ROBO2: variants seen among roughly 807,000 people sequenced by gnomAD.
ROBO2 encodes the protein roundabout guidance receptor 2, also known as roundabout homolog 2.
ROBO2 carries 53 observed loss-of-function variants against 160.8 expected under a neutral mutation model. That is an observed-to-expected ratio of 0.33 (90% CI 0.26 to 0.41). The LOEUF (loss-of-function observed/expected upper bound fraction) is 0.41, where lower values mean the gene tolerates loss of function less well. Among genes scored for constraint, ROBO2 ranks in the 10% least tolerant of loss-of-function variants. The probability of loss-of-function intolerance (pLI) is 1.00; values close to 1 mark genes in which losing one functional copy is unlikely to be tolerated. For synonymous variants in ROBO2, 664 were observed against 611.7 expected (o/e 1.09, Z -1.26); for missense variants, 1,577 against 1,722.4 (o/e 0.92, Z 1.49).
At chr3:75,957,250 C>CACACACGCACACACACACAAA (rs1948754107) in intron 2 of ROBO2, among the ~76,000 whole-genome samples, 1 of 50,030 alleles carries the variant, frequency 2.0e-5, no homozygotes, top group Non-Finnish European at 6.2e-5. Context: ...ACACACAAAA[C>CACACACGCACACACACACAAA]ACACACACAC....
At chr3:75,924,814 G>A (rs1448075460) in intron 1 of ROBO2, among the ~76,000 whole-genome samples, 4 of 138,138 alleles carry the variant, frequency 2.9e-5, no homozygotes, top group African/African-American at 8.1e-5. Context: ...TCAGCCTCCC[G>A]AGTAGCTGGG....
At chr3:77,126,020 C>T (rs191922390) in intron 2 of ROBO2, among the ~76,000 whole-genome samples, 1 of 152,206 alleles carries the variant, frequency 6.6e-6, no homozygotes, top group East Asian at 1.9e-4. Flanking sequence ...ACACATTTGA[C>T]CCTAAATGAC....
At chr3:75,916,057 T>C (rs949589910) in intron 1 of ROBO2, among the ~76,000 whole-genome samples, 1 of 152,214 alleles carries the variant, frequency 6.6e-6, no homozygotes, top group African/African-American at 2.4e-5. Context: ...TCACTTGTAC[T>C]ACAAAGTCTC....
At chr3:76,669,734 C>A (rs184233660) in intron 2 of ROBO2, among the ~76,000 whole-genome samples, 393 of 152,294 alleles carry the variant, frequency 2.6e-3, no homozygotes, top group African/African-American at 9.1e-3. Context: ...CATGCTGTTA[C>A]ATCTTTAACT....
chr3:76,322,473 A>G (rs985086748), intron 2 of ROBO2, among the ~76,000 whole-genome samples: 13 of 151,808 alleles, frequency 8.6e-5, no homozygotes, highest in African/African-American at 3.1e-4. Flanking sequence ...TTATTGGATG[A>G]TCTTTAAGAT....
chr3:77,316,560 ATCTTT>A (rs2064015443), intron 2 of ROBO2, among the ~76,000 whole-genome samples: 1 of 152,128 alleles, frequency 6.6e-6, no homozygotes, highest in Non-Finnish European at 1.5e-5. Context: ...TACTGAAAGG[ATCTTT>A]TTTGGAAATG....
intron 21 of ROBO2, among the ~76,000 whole-genome samples, chr3:77,608,425 T>C (rs921784267): frequency 6.6e-6 from 1 of 152,206 alleles, no homozygotes; most frequent in South Asian, 2.1e-4. Flanking sequence ...GGTAGAACTT[T>C]AATCATCAGC....
chr3:77,254,635 G>A (rs949254614), intron 2 of ROBO2, among the ~76,000 whole-genome samples: 5 of 152,122 alleles, frequency 3.3e-5, no homozygotes, highest in African/African-American at 1.2e-4. Flanking sequence ...TTTATTATAA[G>A]TTGTGTTTAT....
At chr3:76,751,941 G>C (rs1359781781) in intron 2 of ROBO2, among the ~76,000 whole-genome samples, 2 of 151,944 alleles carry the variant, frequency 1.3e-5, no homozygotes, top group Non-Finnish European at 2.9e-5. Flanking sequence ...CCCATTACTG[G>C]GTATATACCC....
chr3:76,213,871 A>G (rs990674383), intron 2 of ROBO2, among the ~76,000 whole-genome samples: 2 of 151,934 alleles, frequency 1.3e-5, no homozygotes, highest in Non-Finnish European at 2.9e-5. Context: ...TGAATTTATC[A>G]AGGTGTTCTA....
chr3:77,380,156 G>A (rs2073250802), intron 2 of ROBO2, among the ~76,000 whole-genome samples: 1 of 152,222 alleles, frequency 6.6e-6, no homozygotes. Context: ...GCTGCCATCA[G>A]TGAGCCACCT....
rs4054072 is a variant in ROBO2, at chr3:75,913,336, A to T, written c.-14+6376A>T. On this transcript the variant is annotated intron_variant, in intron 1 of 26. Coordinates refer to the ROBO2 transcript ENST00000487694. ...ATCATATCTACAAGTCCCTTTGGCT[A>T]TGTAAGGCAGCACATTCCCAGGGCC... is the stretch of plus-strand genomic sequence containing the variant. Among the ~76,000 whole-genome samples the T allele has an allele frequency of 3.4e-4, 52 of 152,314 alleles. No homozygotes were observed. The East Asian group carries it at 9.8e-3, about 29-fold the overall frequency.
chr3:76,440,235 T>C (rs2109106414), intron 2 of ROBO2, among the ~76,000 whole-genome samples: 1 of 152,200 alleles, frequency 6.6e-6, no homozygotes, highest in African/African-American at 2.4e-5. Context: ...TTAGTAAAAG[T>C]ACTTTTTTTA....
rs573077101 is a variant in ROBO2, at chr3:75,970,589, TTAAA to T, written c.109+32988_109+32991del. ...AAGGACATTCCTCCTAAATTCTGTC[TTAAA>T]GTTGTTTGTAAGTAGAAGATTGAGT... On this transcript the variant is annotated intron_variant, in intron 2 of 26. Transcript: ENST00000487694. Among the ~76,000 whole-genome samples the T allele has an allele frequency of 4.0e-5, 6 of 151,734 alleles. No homozygotes were observed. The South Asian group carries it at 1.2e-3, about 31-fold the overall frequency.
intron 2 of ROBO2, among the ~76,000 whole-genome samples, chr3:76,085,980 A>G (rs2068999048): frequency 6.6e-6 from 1 of 152,188 alleles, no homozygotes; most frequent in Admixed American, 6.5e-5. Flanking sequence ...AAAGACTTGT[A>G]CAGAGAAACT....
At chr3:76,170,160 T>C (rs1225519116) in intron 2 of ROBO2, among the ~76,000 whole-genome samples, 1 of 151,552 alleles carries the variant, frequency 6.6e-6, no homozygotes, top group Non-Finnish European at 1.5e-5. Flanking sequence ...TAACTTCTTA[T>C]TTAGCATGGG....
chr3:76,966,287 G>A (rs1306382908), intron 2 of ROBO2, among the ~76,000 whole-genome samples: 1 of 152,148 alleles, frequency 6.6e-6, no homozygotes, highest in African/African-American at 2.4e-5. Flanking sequence ...TTCACACAAA[G>A]CTATAAATGA....
Position 76,150,611 on chromosome 3 carries a change from C to G in ROBO2, c.109+213009C>G, listed in dbSNP as rs912819391. The stretch of plus-strand genomic sequence containing the variant: ...GCTGACTTCTGTCTGAAACACACAT[C>G]CCTAGGTCACCACATGGCTAATTCT... On this transcript the variant is annotated intron_variant, in intron 2 of 26. Coordinates refer to the ROBO2 transcript ENST00000487694. 5.3e-5 allele frequency among the ~76,000 whole-genome samples: 8 copies of G among 152,188 alleles called. No homozygotes were observed. The East Asian group carries it at 1.5e-3, about 29-fold the overall frequency.
chr3:76,402,499 A>G (rs1233956039), intron 2 of ROBO2, among the ~76,000 whole-genome samples: 1 of 151,562 alleles, frequency 6.6e-6, no homozygotes, highest in Admixed American at 6.6e-5. Flanking sequence ...AATGACACAA[A>G]TGTATTATCT....
Sources: gnomAD v4.1 joint callset for allele counts (sites outside exome capture counted in the v4.1 genomes callset) on GRCh38, gnomAD v4.1.1 for gene constraint, MANE v1.5 for transcripts, NCBI Gene and HGNC (gene_info 2026-07-23, HGNC 2026-07-21) for gene names.